FAM110B: variants seen among roughly 807,000 people sequenced by gnomAD.
The protein encoded by FAM110B is protein FAM110B.
In FAM110B, 6 loss-of-function variants were observed where a neutral mutation model predicts 20.4. The ratio of observed to expected loss-of-function variants is 0.29; its 90% CI spans 0.16 to 0.58. FAM110B has a LOEUF of 0.58. Ranked by LOEUF, FAM110B falls within the 20% of genes least tolerant of loss-of-function variation. The pLI, the probability that FAM110B is intolerant of heterozygous loss-of-function variation, is 0.90. For missense variants in FAM110B, 434 were observed against 498.2 expected, an observed-to-expected ratio of 0.87 and a Z score of 1.23; for synonymous variants, 226 against 214.1, an observed-to-expected ratio of 1.06 and a Z score of -0.49.
At chr8:58,139,105 T>A (rs1165667788) in intron 3 of FAM110B, among the ~76,000 whole-genome samples, 1 of 152,238 alleles carries the variant, frequency 6.6e-6, no homozygotes, top group African/African-American at 2.4e-5. Context: ...GAGGATACTT[T>A]ATTAAATAAC....
intron 2 of FAM110B, among the ~76,000 whole-genome samples, chr8:58,058,335 G>GGA (rs201991325): frequency 6.9e-5 from 10 of 143,994 alleles, no homozygotes; most frequent in East Asian, 2.1e-4. Flanking sequence ...AGACAAAAAG[G>GGA]AAAAAAAAAA....
intron 1 of FAM110B, among the ~76,000 whole-genome samples, chr8:58,030,690 G>T (rs1190111383): frequency 6.6e-6 from 1 of 152,156 alleles, no homozygotes; most frequent in Non-Finnish European, 1.5e-5. Flanking sequence ...TTGCAGACAG[G>T]ACACTTCCTT....
At chr8:58,124,963 T>C (rs1807459585) in intron 3 of FAM110B, among the ~76,000 whole-genome samples, 1 of 152,220 alleles carries the variant, frequency 6.6e-6, no homozygotes, top group South Asian at 2.1e-4. Flanking sequence ...AAATCTCTTA[T>C]CAAAATATAA....
At chr8:58,066,246 T>C (rs10093645) in intron 2 of FAM110B, among the ~76,000 whole-genome samples, 54,065 of 152,058 alleles carry the variant, frequency 0.36, 13,983 homozygotes, top group African/African-American at 0.74. Context: ...CTGCTCAGGG[T>C]TTTTGTACCC....
chr8:58,045,284 C>T (rs1318548716), intron 2 of FAM110B, among the ~76,000 whole-genome samples: 1 of 152,308 alleles, frequency 6.6e-6, no homozygotes, highest in East Asian at 1.9e-4. Context: ...TATAACCACA[C>T]TCTCTCTCGC....
At chr8:58,045,198 T>C (rs1244427442) in intron 2 of FAM110B, among the ~76,000 whole-genome samples, 1 of 152,168 alleles carries the variant, frequency 6.6e-6, no homozygotes, top group Admixed American at 6.5e-5. Flanking sequence ...TTGAATTCCA[T>C]TCCCTTAACT....
At chr8:58,006,923 A>ATATATATATATATATTTTTT in intron 1 of FAM110B, among the ~76,000 whole-genome samples, 14 of 126,528 alleles carry the variant, frequency 1.1e-4, no homozygotes, top group African/African-American at 4.3e-4. Flanking sequence ...ATATATATAT[A>ATATATATATATATATTTTTT]TTTTTCCAAA....
intron 3 of FAM110B, among the ~76,000 whole-genome samples, chr8:58,078,957 ATGCT>A (rs571448913): frequency 2.1e-4 from 32 of 152,296 alleles, no homozygotes; most frequent in African/African-American, 7.7e-4. Context: ...CTCACCAAAA[ATGCT>A]TGCTGGTTTT....
chr8:58,075,751 A>G (rs147798528), intron 3 of FAM110B, 128 bp downstream of exon 3: 91 of 152,290 alleles, frequency 6.0e-4, no homozygotes, highest in Middle Eastern at 3.4e-3. Context: ...GGCAATAAAT[A>G]AATAAATAAA....
At chr8:58,048,189 T>C (rs1277315981) in intron 2 of FAM110B, among the ~76,000 whole-genome samples, 7 of 152,218 alleles carry the variant, frequency 4.6e-5, no homozygotes, top group Admixed American at 6.5e-5. Flanking sequence ...CTTTCAGAAG[T>C]GTCTGCATTT....
intron 3 of FAM110B, among the ~76,000 whole-genome samples, chr8:58,078,217 T>C (rs1806085615): frequency 6.6e-6 from 1 of 152,232 alleles, no homozygotes; most frequent in Non-Finnish European, 1.5e-5. Flanking sequence ...ACTGGGTCTT[T>C]TTAAAAGTGG....
At chr8:58,143,041 C>T (rs539134892) in intron 3 of FAM110B, among the ~76,000 whole-genome samples, 163 of 146,498 alleles carry the variant, frequency 1.1e-3, no homozygotes, top group African/African-American at 4.0e-3. Flanking sequence ...CGTACAAAGT[C>T]TACACTACAA....
intron 3 of FAM110B, among the ~76,000 whole-genome samples, chr8:58,092,079 C>A (rs1165942315): frequency 6.6e-6 from 1 of 152,168 alleles, no homozygotes; most frequent in Non-Finnish European, 1.5e-5. Context: ...AAAAGACTCA[C>A]ATTCTGTTGC....
At chr8:58,108,755 A>C in intron 3 of FAM110B, among the ~76,000 whole-genome samples, 1 of 152,192 alleles carries the variant, frequency 6.6e-6, no homozygotes, top group East Asian at 1.9e-4. Flanking sequence ...CCTTCTGCTC[A>C]GAGGGCCTGT....
intron 2 of FAM110B, among the ~76,000 whole-genome samples, chr8:58,045,455 G>A (rs1032558603): frequency 1.3e-5 from 2 of 152,152 alleles, no homozygotes; most frequent in East Asian, 1.9e-4. Flanking sequence ...CTGCATGCAC[G>A]CTCTGTGTAC....
chr8:58,029,298 T>C (rs749407262), intron 1 of FAM110B, among the ~76,000 whole-genome samples: 5 of 152,228 alleles, frequency 3.3e-5, no homozygotes, highest in Non-Finnish European at 5.9e-5. Context: ...CCTATGATTA[T>C]GATCTGACTA....
At chr8:57,997,816 G>A (rs1462320350) in intron 1 of FAM110B, among the ~76,000 whole-genome samples, 1 of 152,150 alleles carries the variant, frequency 6.6e-6, no homozygotes, top group Admixed American at 6.5e-5. Flanking sequence ...GCTGGCTCTG[G>A]GACCAGCAAA....
intron 2 of FAM110B, among the ~76,000 whole-genome samples, chr8:58,051,416 G>A (rs1204347821): frequency 6.6e-6 from 1 of 152,170 alleles, no homozygotes. Flanking sequence ...CAGTGGTAAG[G>A]GAGATTTAGA....
chr8:58,098,015 G>A (rs529500012), intron 3 of FAM110B, among the ~76,000 whole-genome samples: 17 of 152,316 alleles, frequency 1.1e-4, no homozygotes, highest in African/African-American at 2.9e-4. Context: ...CAGGAGGCAC[G>A]GGGGTCAGGG....
Sources: gnomAD v4.1 joint callset for allele counts (sites outside exome capture counted in the v4.1 genomes callset) on GRCh38, gnomAD v4.1.1 for gene constraint, MANE v1.5 for transcripts, NCBI Gene and HGNC (gene_info 2026-07-23, HGNC 2026-07-21) for gene names.